The following TRIM10 variants were observed in gnomAD, a reference collection of about 807,000 sequenced individuals.
TRIM10 encodes tripartite motif-containing protein 10.
TRIM10 carries 42 observed loss-of-function variants against 40.0 expected under a neutral mutation model. The ratio of observed to expected loss-of-function variants is 1.05; its 90% CI spans 0.82 to 1.36. The LOEUF is 1.36. Ranked by LOEUF, TRIM10 falls within the 40% of genes most tolerant of loss-of-function variation. TRIM10 has a pLI of 0.00. For missense variants in TRIM10, 601 were observed against 608.3 expected (o/e 0.99, Z 0.13); for synonymous variants, 260 against 239.5 (o/e 1.09, Z -0.79).
chr6:30,157,663 T>C (rs975138335), intron 3 of TRIM10, among the ~76,000 whole-genome samples: 30 of 143,276 alleles, frequency 2.1e-4, no homozygotes, highest in African/African-American at 5.1e-4. Flanking sequence ...TTTTCTTTTT[T>C]TTTTTTTTTT....
Position 30,159,268 on chromosome 6 carries a change from A to G in TRIM10, c.430-23T>C, listed in dbSNP as rs143081651. The G allele has an allele frequency of 3.3e-5, 49 of 1,501,462 alleles. No homozygotes were observed. In the East Asian group the frequency reaches 1.1e-3, roughly 34 times the overall value. 93.0% of individuals were successfully genotyped at this position (1,501,462 alleles called of 1,614,324 possible). ...TTCCTGGGGAGAAGGAACATAAAAT[A>G]CTCAAGATGGAAAATGATTTGTTCA... On this transcript the variant is annotated intron_variant, in intron 1 of 6. Transcript: ENST00000449742.
At chr6:30,155,109 A>T (rs1380001889) in intron 6 of TRIM10, among the ~76,000 whole-genome samples, 2 of 152,314 alleles carry the variant, frequency 1.3e-5, no homozygotes, top group East Asian at 1.9e-4. Context: ...GTATTCATAA[A>T]TTGAGAAGCT....
upstream of TRIM10, among the ~76,000 whole-genome samples, chr6:30,162,687 A>G (rs1333000714): frequency 6.6e-6 from 1 of 152,110 alleles, no homozygotes; most frequent in Admixed American, 6.6e-5. Context: ...TTAACGTGAT[A>G]CTTTCTAGCT....
Position 30,154,500 on chromosome 6 carries a change from C to T in TRIM10, c.929-14G>A, listed in dbSNP as rs779700415. 6.2e-7 allele frequency: 1 copy of T among 1,606,104 alleles called. No homozygotes were observed. The highest frequency in any genetic ancestry group is 8.5e-7 in the Non-Finnish European group (1 of 1,179,204). On this transcript the variant is annotated splice_polypyrimidine_tract_variant and intron_variant, in intron 6 of 6. Transcript: ENST00000449742. Reference sequence around the variant, plus strand: ...GAGAAATGTGAGCTGTGGGGATAACCAAAAGGGACAGATGTCAGCAGACAT... The same window carrying T: ...GAGAAATGTGAGCTGTGGGGATAACTAAAAGGGACAGATGTCAGCAGACAT...
At position 30,154,030 on chromosome 6, in the gene TRIM10, C is replaced by T. The variant is rs1772265144; in HGVS notation, c.1385G>A (p.Arg462Lys). The part of the protein sequence containing the change: ...PIYTFTASFT[R>K]KVIPFFGLWG... ...GAGCCCAAAGAAGGGAATGACCTTC[C>T]TAGTGAAGGAGGCAGTGAAGGTGTA... is the stretch of plus-strand genomic sequence containing the variant. Residue 462 changes from arginine (R) to lysine (K), a missense_variant, in exon 7 of 7, where the codon AGG becomes AAG. Transcript: ENST00000449742. 6.2e-7 allele frequency: 1 copy of T among 1,611,568 alleles called. No homozygotes were observed. The highest frequency in any genetic ancestry group is 8.5e-7 in the Non-Finnish European group (1 of 1,178,822).
intron 4 of TRIM10, 21 bp from the exon 5 acceptor site, chr6:30,157,075 G>T (rs1004263096): frequency 1.2e-6 from 2 of 1,607,956 alleles, no homozygotes; most frequent in African/African-American, 2.7e-5. Flanking sequence ...AGAAATGGCT[G>T]GGTCTGGGAA....
upstream of TRIM10, chr6:30,163,881 C>T: frequency 6.2e-7 from 1 of 1,613,074 alleles, no homozygotes. Flanking sequence ...GAGGAGCAGG[C>T]AGAGACTCCC....
Position 30,153,499 on chromosome 6 carries a change from G to T in TRIM10, c.*470C>A. The T allele has an allele frequency of 1.7e-6, 1 of 586,456 alleles. No individual in the cohort carries two copies. The highest frequency in any genetic ancestry group is 2.4e-5 in the South Asian group (1 of 41,558). 36.3% of individuals were successfully genotyped at this position (586,456 alleles called of 1,614,324 possible). On this transcript the variant is annotated 3_prime_UTR_variant, in exon 7 of 7. Coordinates refer to ENST00000449742, the MANE Select transcript of TRIM10 (RefSeq NM_006778.4). ...TTCTCTATATTTTCAAGTCACCAGT[G>T]GCCACCACACTGCTTGGTTCATAGT... is the stretch of plus-strand genomic sequence containing the variant.
At chr6:30,159,317 C>G in intron 1 of TRIM10, 72 bp from the exon 2 acceptor site, 1 of 1,093,036 alleles carries the variant, frequency 9.1e-7, no homozygotes, top group Non-Finnish European at 1.4e-6. Context: ...ATCTGACCCT[C>G]TGCCTCCAGG....
In TRIM10 at chr6:30,157,483, T is replaced by G. The variant is rs960871980; in HGVS notation, c.757-92A>C. ...TTCTACTTTTATTTTATTTATTTTT[T>G]ATTTGCTTGTTTGTTTGTTTGAGAA... On this transcript the variant is annotated intron_variant, in intron 3 of 6. Transcript: ENST00000449742. 3.0e-6 allele frequency: 4 copies of G among 1,350,852 alleles called. No homozygotes were observed. In the African/African-American group the frequency reaches 5.9e-5, roughly 20 times the overall value. 83.7% of individuals were successfully genotyped at this position (1,350,852 alleles called of 1,614,324 possible).
intron 3 of TRIM10, among the ~76,000 whole-genome samples, chr6:30,157,659 T>TTTTC (rs1772678144): frequency 3.7e-4 from 2 of 5,402 alleles, no homozygotes; most frequent in East Asian, 0.013. Context: ...CTAATTTTCT[T>TTTTC]TTTTTTTTTT....
Position 30,160,686 on chromosome 6 carries a change from G to A in TRIM10, c.173C>T (p.Pro58Leu). 2.5e-6 allele frequency: 4 copies of A among 1,614,234 alleles called. No homozygotes were observed. Among genetic ancestry groups the A allele is most frequent in the Non-Finnish European group, 3.4e-6 (4 of 1,180,038 alleles). ...AGGACGGAAGGGTTCTTTGCAGAGT[G>A]GGCAAGTAGGGGACTCCTCCAGGTC... The part of the protein sequence containing the change: ...GPDLEESPTC[P>L]LCKEPFRPGS... The change falls in exon 1 of 7, where the codon CCA becomes CTA. Residue 58 changes from proline (P) to leucine (L), a missense_variant. Transcript: ENST00000449742.
At chr6:30,154,638 G>A (rs182583069) in intron 6 of TRIM10, 152 bp from the exon 7 acceptor site, 2 of 948,118 alleles carry the variant, frequency 2.1e-6, no homozygotes, top group Admixed American at 4.0e-5. Context: ...GAACCACCTG[G>A]GAACTTGTTA....
chr6:30,154,401 C>A lies in TRIM10; in HGVS notation c.1014G>T (p.Trp338Cys). The A allele has an allele frequency of 3.1e-6, 5 of 1,612,890 alleles. No homozygotes were observed. The highest frequency in any genetic ancestry group is 4.2e-6 in the Non-Finnish European group (5 of 1,179,968). The change falls in exon 7 of 7, where the codon TGG (tryptophan) becomes TGT (cysteine). Residue 338 changes from tryptophan to cysteine, a missense_variant. Trp to Cys is a radical substitution (Grantham distance 215). Coordinates refer to ENST00000449742, the MANE Select transcript of TRIM10 (RefSeq NM_006778.4). ...DHQRAQFSYK[W>C]QNSPDNPQRF... ...GTTGGGGGTTGTCTGGTGAGTTCTGCCATTTGTAGGAGAACTGAGCTCGCT... is the reference window on the plus strand; with the variant it reads ...GTTGGGGGTTGTCTGGTGAGTTCTGACATTTGTAGGAGAACTGAGCTCGCT...
chr6:30,158,782 T>C (rs1772813622), intron 2 of TRIM10, among the ~76,000 whole-genome samples, 153 bp from the exon 3 acceptor site: 1 of 152,192 alleles, frequency 6.6e-6, no homozygotes, highest in Non-Finnish European at 1.5e-5. Flanking sequence ...CACAGTGTTG[T>C]CTCAGCACCA....
chr6:30,161,544 T>G (rs1773092774), upstream of TRIM10, among the ~76,000 whole-genome samples: 1 of 148,542 alleles, frequency 6.7e-6, no homozygotes, highest in Non-Finnish European at 1.5e-5. Flanking sequence ...ATACAAGCAA[T>G]TTGGCCAGAA....
At chr6:30,161,502 A>C (rs1219413747), upstream of TRIM10, among the ~76,000 whole-genome samples, 1 of 152,072 alleles carries the variant, frequency 6.6e-6, no homozygotes, top group East Asian at 1.9e-4. Context: ...AACGGCCAGA[A>C]TTTATTTACA....
chr6:30,159,332 A>T, intron 1 of TRIM10, 87 bp from the exon 2 acceptor site: 2 of 915,106 alleles, frequency 2.2e-6, no homozygotes, highest in Non-Finnish European at 3.5e-6. Context: ...TCCAGGAATG[A>T]AATGGCCCCA....
chr6:30,154,395 G>A lies in TRIM10; in HGVS notation c.1020C>T (p.Asn340=), dbSNP rs757007095. 5.6e-6 allele frequency: 9 copies of A among 1,612,888 alleles called. No homozygotes were observed. Among genetic ancestry groups the A allele is most frequent in the Non-Finnish European group, 7.6e-6 (9 of 1,179,996 alleles). Residue 340 remains asparagine, a synonymous_variant, in exon 7 of 7, where the codon AAC becomes AAT. Transcript: ENST00000449742. ...QRAQFSYKWQ[N]SPDNPQRFDR... is the part of the protein sequence containing the mutation. ...CAAAACGTTGGGGGTTGTCTGGTGA[G>A]TTCTGCCATTTGTAGGAGAACTGAG... is the stretch of plus-strand genomic sequence containing the variant.
Sources: allele counts gnomAD v4.1 joint callset (sites outside exome capture counted in the v4.1 genomes callset), GRCh38; gene constraint gnomAD v4.1.1; transcripts MANE v1.5; gene names NCBI Gene and HGNC (gene_info 2026-07-23, HGNC 2026-07-21).